WRN: variants seen among roughly 807,000 people sequenced by gnomAD.
WRN encodes the protein bifunctional 3'-5' exonuclease/ATP-dependent helicase WRN.
Under a neutral mutation model 180.7 loss-of-function variants are expected in WRN, and 149 were observed. That is an observed-to-expected ratio of 0.82 (90% CI 0.72 to 0.94). The LOEUF is 0.94. Among genes scored for constraint, WRN ranks in the 40% least tolerant of loss-of-function variants. The pLI is 0.00. For synonymous variants in WRN, 548 were observed against 568.9 expected (o/e 0.96, Z 0.52); for missense variants, 1,661 against 1,700.1 (o/e 0.98, Z 0.40).
chr8:31,101,892 TA>T (rs1357853320), intron 18 of WRN, among the ~76,000 whole-genome samples: 5 of 152,066 alleles, frequency 3.3e-5, no homozygotes, highest in African/African-American at 1.2e-4. Flanking sequence ...AGCACTGTTT[TA>T]TTTTTTATTT....
At chr8:31,085,498 C>T (rs1261112967) in intron 11 of WRN, among the ~76,000 whole-genome samples, 1 of 149,944 alleles carries the variant, frequency 6.7e-6, no homozygotes, top group Non-Finnish European at 1.5e-5. Flanking sequence ...GAGACAGGGT[C>T]TCACTCTGTC....
chr8:31,123,030 C>T (rs553501086), intron 21 of WRN, among the ~76,000 whole-genome samples: 5 of 151,964 alleles, frequency 3.3e-5, no homozygotes, highest in East Asian at 3.9e-4. Context: ...CTCACAACCA[C>T]GTCCAAAATG....
chr8:31,116,285 TAAAAC>T (rs1183661540), intron 19 of WRN, 64 bp from the exon 20 acceptor site: 1 of 1,535,402 alleles, frequency 6.5e-7, no homozygotes, highest in African/African-American at 1.4e-5. Context: ...TTAAATAAGA[TAAAAC>T]CAAACGGGTC....
At position 31,064,971 on chromosome 8, in the gene WRN, G is replaced by A. The variant is rs2130036443; in HGVS notation, c.412G>A (p.Val138Ile). 9 of 1,613,734 alleles carry A rather than the reference G, an allele frequency of 5.6e-6. No individual in the cohort carries two copies. Among genetic ancestry groups the A allele is most frequent in the Non-Finnish European group, 6.8e-6 (8 of 1,179,810 alleles). Reference protein sequence around the residue: ...LENKAVKKAGVGIEGDQWKLL... With the variant: ...LENKAVKKAGIGIEGDQWKLL... Reference sequence around the variant, plus strand: ...AAATAAAGCAGTTAAAAAGGCAGGTGTAGGAATTGAAGGAGATCAGTGGAA... The same window carrying A: ...AAATAAAGCAGTTAAAAAGGCAGGTATAGGAATTGAAGGAGATCAGTGGAA... The change falls in exon 5 of 35, where the codon GTA becomes ATA. Residue 138 changes from valine (V) to isoleucine (I), a missense_variant. Physicochemically the swap from Val to Ile is conservative, Grantham distance 29. Around this residue, in one of 3 missense-constraint regions of WRN, gnomAD observed 500 missense variants for 504.1 expected, o/e 0.99. Coordinates refer to ENST00000298139, the MANE Select transcript of WRN (RefSeq NM_000553.6).
At chr8:31,152,768 A>G (rs935035302) in intron 31 of WRN, among the ~76,000 whole-genome samples, 1 of 152,188 alleles carries the variant, frequency 6.6e-6, no homozygotes, top group African/African-American at 2.4e-5. Flanking sequence ...GCAAGGTGCA[A>G]TCCCTCATGC....
rs371488356 is a variant in WRN at position 31,087,635 on chromosome 8, T to C, written c.1432-141T>C. The C allele has an allele frequency of 2.1e-5, 16 of 774,812 alleles. No homozygotes were observed. In the East Asian group the frequency reaches 3.9e-4, roughly 19 times the overall value. The allele number at this position is 774,812 out of a possible 1,614,324, so 48.0% of individuals were successfully genotyped here. A position where few individuals can be genotyped will look rare whatever the true frequency, so the allele number is the denominator to read the frequency against. ...GCACATATTTAAACCGGAGCACACATGTTCTTTTGTAGTATGGCTTGCACA... is the reference window on the plus strand; with the variant it reads ...GCACATATTTAAACCGGAGCACACACGTTCTTTTGTAGTATGGCTTGCACA... On this transcript the variant is annotated intron_variant, in intron 11 of 34. Transcript: ENST00000298139.
chr8:31,088,024 A>G, intron 12 of WRN, 104 bp downstream of exon 12: 2 of 1,535,418 alleles, frequency 1.3e-6, no homozygotes, highest in Non-Finnish European at 8.8e-7. Flanking sequence ...ACTTTGTGGC[A>G]TATAGTTAAT....
intron 1 of WRN, among the ~76,000 whole-genome samples, chr8:31,047,537 A>T (rs1049278950): frequency 6.6e-6 from 1 of 152,100 alleles, no homozygotes; most frequent in Non-Finnish European, 1.5e-5. Flanking sequence ...CGCATTGGAC[A>T]TTGGCTTTGT....
At chr8:31,122,669 C>A (rs1801766374) in intron 21 of WRN, among the ~76,000 whole-genome samples, 1 of 151,554 alleles carries the variant, frequency 6.6e-6, no homozygotes, top group African/African-American at 2.4e-5. Context: ...TGTTTTTATT[C>A]TGTGGAATAC....
intron 24 of WRN, among the ~76,000 whole-genome samples, chr8:31,137,760 T>C (rs553436547): frequency 2.6e-5 from 4 of 152,036 alleles, no homozygotes; most frequent in East Asian, 1.9e-4. Flanking sequence ...TGTATGTATA[T>C]TGGGTGTGTG....
chr8:31,142,051 G>T (rs1305572512), intron 26 of WRN, among the ~76,000 whole-genome samples: 1 of 152,002 alleles, frequency 6.6e-6, no homozygotes, highest in Non-Finnish European at 1.5e-5. Flanking sequence ...GTGGGCCCAA[G>T]TAATCCTCAG....
chr8:31,175,029 A>G lies in WRN; in HGVS notation c.*1927A>G, dbSNP rs1804237429. Among the ~76,000 whole-genome samples, 1 of 151,896 alleles carries G rather than the reference A, an allele frequency of 6.6e-6. No homozygotes were observed. Among genetic ancestry groups the G allele is most frequent in the Admixed American group, 6.6e-5 (1 of 15,218 alleles). ...TAAAGCCTTTTCTAATGAGATGGAT[A>G]GTAATTAACAAATGTGAGTTTTTGA... On this transcript the variant is annotated 3_prime_UTR_variant, in exon 35 of 35. Coordinates refer to ENST00000298139, the MANE Select transcript of WRN (RefSeq NM_000553.6).
intron 18 of WRN, among the ~76,000 whole-genome samples, chr8:31,110,054 T>G (rs1038741664): frequency 6.6e-6 from 1 of 152,216 alleles, no homozygotes. Context: ...GTTAAACAAG[T>G]GTTTTATTAG....
At chr8:31,079,388 A>G (rs1053335033) in intron 8 of WRN, among the ~76,000 whole-genome samples, 2 of 152,216 alleles carry the variant, frequency 1.3e-5, no homozygotes, top group African/African-American at 2.4e-5. Context: ...TAAATATTAG[A>G]AGACCTAAAC....
intron 15 of WRN, among the ~76,000 whole-genome samples, 190 bp from the exon 16 acceptor site, chr8:31,091,640 C>G (rs956805137): frequency 3.9e-5 from 6 of 152,010 alleles, no homozygotes; most frequent in African/African-American, 1.4e-4. Context: ...TTCAAAGACC[C>G]ACCTTAAAAA....
At chr8:31,041,118 C>T (rs1343253457) in intron 1 of WRN, among the ~76,000 whole-genome samples, 1 of 152,158 alleles carries the variant, frequency 6.6e-6, no homozygotes, top group East Asian at 1.9e-4. Flanking sequence ...CCATCTCTAT[C>T]TGTATTTCTG....
chr8:31,113,966 T>A (rs1419480137), intron 19 of WRN, among the ~76,000 whole-genome samples: 1 of 150,960 alleles, frequency 6.6e-6, no homozygotes, highest in Non-Finnish European at 1.5e-5. Context: ...CATTCAACAG[T>A]ATTGAAGATC....
chr8:31,072,570 C>CGA (rs1253648068), intron 7 of WRN, among the ~76,000 whole-genome samples: 1 of 152,096 alleles, frequency 6.6e-6, no homozygotes, highest in Non-Finnish European at 1.5e-5. Context: ...TGGCCTCAAG[C>CGA]GATCCTCCTG....
At chr8:31,037,031 G>A (rs1050243777) in intron 1 of WRN, among the ~76,000 whole-genome samples, 9 of 152,126 alleles carry the variant, frequency 5.9e-5, no homozygotes, top group African/African-American at 1.2e-4. Context: ...TATTTCAAGC[G>A]CATTACATTT....
Sources: gnomAD v4.1 joint callset for allele counts (sites outside exome capture counted in the v4.1 genomes callset) on GRCh38, gnomAD v4.1.1 for gene constraint, gnomAD v4.1.1 regional missense constraint, MANE v1.5 for transcripts, NCBI Gene and HGNC (gene_info 2026-07-23, HGNC 2026-07-21) for gene names.